The following KCNAB1 variants were observed in gnomAD, a reference collection of about 807,000 sequenced individuals.
KCNAB1 encodes the protein potassium voltage-gated channel subfamily A regulatory beta subunit 1, also known as voltage-gated potassium channel subunit beta-1.
Under a neutral mutation model 64.6 loss-of-function variants are expected in KCNAB1, and 35 were observed. That is an observed-to-expected ratio of 0.54 (90% CI 0.41 to 0.72). KCNAB1 has a LOEUF of 0.72. Among genes scored for constraint, KCNAB1 ranks in the 30% least tolerant of loss-of-function variants. KCNAB1 has a pLI of 0.00. For synonymous variants in KCNAB1, 177 were observed against 183.8 expected (o/e 0.96, Z 0.30); for missense variants, 401 against 512.9 (o/e 0.78, Z 2.11).
At chr3:156,491,579 C>T (rs1052128220) in intron 8 of KCNAB1, among the ~76,000 whole-genome samples, 5 of 152,090 alleles carry the variant, frequency 3.3e-5, no homozygotes, top group African/African-American at 7.2e-5. Context: ...ATTATACTTA[C>T]ATTTGTGAGA....
At chr3:156,174,892 A>G (rs2108332694) in intron 1 of KCNAB1, among the ~76,000 whole-genome samples, 1 of 152,362 alleles carries the variant, frequency 6.6e-6, no homozygotes, top group East Asian at 1.9e-4. Context: ...CTTCTAGCTA[A>G]CTTTACCAGA....
intron 1 of KCNAB1, among the ~76,000 whole-genome samples, chr3:156,213,684 T>G (rs2077140818): frequency 6.6e-6 from 1 of 152,284 alleles, no homozygotes; most frequent in Admixed American, 6.5e-5. Context: ...TCTGCCTTTG[T>G]TTTGGAGACT....
chr3:156,455,726 C>T (rs955312444), intron 3 of KCNAB1, among the ~76,000 whole-genome samples: 20 of 152,178 alleles, frequency 1.3e-4, no homozygotes, highest in African/African-American at 4.8e-4. Flanking sequence ...GACTCCCAGT[C>T]TGCTTCCCAG....
intron 1 of KCNAB1, among the ~76,000 whole-genome samples, chr3:156,152,062 C>T (rs188854515): frequency 1.2e-3 from 182 of 152,300 alleles, no homozygotes; most frequent in Admixed American, 2.5e-3. Flanking sequence ...ATATTGTTAC[C>T]GTGTCCCTGA....
At chr3:156,333,802 A>G (rs1723502994) in intron 1 of KCNAB1, among the ~76,000 whole-genome samples, 2 of 152,230 alleles carry the variant, frequency 1.3e-5, no homozygotes, top group Admixed American at 6.5e-5. Context: ...ATTTGCTAAC[A>G]TGACAGGTAA....
chr3:156,200,599 G>A (rs1714265483), intron 1 of KCNAB1, among the ~76,000 whole-genome samples: 1 of 152,126 alleles, frequency 6.6e-6, no homozygotes, highest in Non-Finnish European at 1.5e-5. Context: ...ATTCCCAAGG[G>A]CTTAACACTG....
intron 2 of KCNAB1, among the ~76,000 whole-genome samples, chr3:156,430,885 G>A (rs1423257150): frequency 6.6e-6 from 1 of 152,168 alleles, no homozygotes; most frequent in East Asian, 1.9e-4. Context: ...GCATGACTCT[G>A]GGTTGGCAGC....
chr3:156,298,885 TTAGAAA>T (rs1331965441), intron 1 of KCNAB1, among the ~76,000 whole-genome samples: 4 of 152,208 alleles, frequency 2.6e-5, no homozygotes, highest in African/African-American at 7.2e-5. Flanking sequence ...TTTTTAAGAA[TTAGAAA>T]TAGAGTGATT....
Position 156,327,996 on chromosome 3 carries a change from A to G in KCNAB1, c.276-93620A>G, listed in dbSNP as rs146119387. Among the ~76,000 whole-genome samples the G allele has an allele frequency of 3.9e-3, 592 of 152,118 alleles. 6 individuals carry two copies. Among genetic ancestry groups the G allele is most frequent in the African/African-American group, 0.013 (560 of 41,516 alleles). ...CTCATGTTGTCTAACTCCTGACTCC[A>G]TGGAATTATGCTCCCTACACCTGCC... On this transcript the variant is annotated intron_variant, in intron 1 of 13. Transcript: ENST00000490337.
chr3:156,194,959 G>A lies in KCNAB1; in HGVS notation c.275+74073G>A, dbSNP rs146719355. Among the ~76,000 whole-genome samples the A allele has an allele frequency of 3.8e-3, 577 of 151,658 alleles. 3 individuals carry two copies. The highest frequency in any genetic ancestry group is 0.013 in the African/African-American group (545 of 41,242). ...CTTTCCCCCCACCCCCAACAGGCCCGGGTATGTGATGTTCCCCTCCCTGTG... is the reference window on the plus strand; with the variant it reads ...CTTTCCCCCCACCCCCAACAGGCCCAGGTATGTGATGTTCCCCTCCCTGTG... On this transcript the variant is annotated intron_variant, in intron 1 of 13. Transcript: ENST00000490337.
chr3:156,432,557 T>C (rs1716294961), intron 2 of KCNAB1, among the ~76,000 whole-genome samples: 1 of 152,140 alleles, frequency 6.6e-6, no homozygotes, highest in African/African-American at 2.4e-5. Context: ...TTATAGGAAA[T>C]GGGTGATGAG....
chr3:156,152,863 T>C (rs951021061), intron 1 of KCNAB1, among the ~76,000 whole-genome samples: 2 of 152,246 alleles, frequency 1.3e-5, no homozygotes, highest in African/African-American at 4.8e-5. Context: ...GGCACCTTTA[T>C]ACGTAACTTC....
At chr3:156,292,587 G>A (rs62287665) in intron 1 of KCNAB1, among the ~76,000 whole-genome samples, 1 of 152,148 alleles carries the variant, frequency 6.6e-6, no homozygotes, top group Non-Finnish European at 1.5e-5. Flanking sequence ...GCCCAGGCTG[G>A]AGTGCAGTGG....
intron 1 of KCNAB1, among the ~76,000 whole-genome samples, chr3:156,196,651 A>C (rs150695572): frequency 6.6e-6 from 1 of 152,116 alleles, no homozygotes; most frequent in Non-Finnish European, 1.5e-5. Flanking sequence ...ATTTTTGCAC[A>C]TTGATTTTGT....
intron 1 of KCNAB1, among the ~76,000 whole-genome samples, chr3:156,141,221 C>A (rs904958405): frequency 6.6e-6 from 1 of 152,176 alleles, no homozygotes; most frequent in Non-Finnish European, 1.5e-5. Flanking sequence ...GATGATGACA[C>A]AAGCCCCTGC....
intron 3 of KCNAB1, among the ~76,000 whole-genome samples, chr3:156,455,481 T>TA (rs1237007365): frequency 6.6e-6 from 1 of 152,258 alleles, no homozygotes; most frequent in East Asian, 1.9e-4. Flanking sequence ...AGATAGATGT[T>TA]ACTGATATGA....
chr3:156,379,612 T>C (rs1712000302), intron 1 of KCNAB1, among the ~76,000 whole-genome samples: 1 of 152,108 alleles, frequency 6.6e-6, no homozygotes, highest in Admixed American at 6.5e-5. Flanking sequence ...AGGGGGCCCC[T>C]GTGGAACCAC....
chr3:156,149,223 C>G (rs755931061), intron 1 of KCNAB1, among the ~76,000 whole-genome samples: 1 of 151,942 alleles, frequency 6.6e-6, no homozygotes, highest in African/African-American at 2.4e-5. Context: ...CCACGCTAAT[C>G]TAAGCTACTA....
At chr3:156,506,634 A>G (rs1440184428) in intron 8 of KCNAB1, among the ~76,000 whole-genome samples, 1 of 152,184 alleles carries the variant, frequency 6.6e-6, no homozygotes, top group Non-Finnish European at 1.5e-5. Flanking sequence ...GTTTTGAAGA[A>G]GGTTCAATTT....
Sources: allele counts gnomAD v4.1 joint callset (sites outside exome capture counted in the v4.1 genomes callset), GRCh38; gene constraint gnomAD v4.1.1; transcripts MANE v1.5; gene names NCBI Gene and HGNC (gene_info 2026-07-23, HGNC 2026-07-21).